RABGAP1L: variants seen among roughly 807,000 people sequenced by gnomAD.
RABGAP1L encodes RAB GTPase activating protein 1 like.
A neutral mutation model predicts 137.7 loss-of-function variants in RABGAP1L; 63 were observed. That is an observed-to-expected ratio of 0.46 (90% CI 0.37 to 0.56). RABGAP1L has a LOEUF of 0.56. Ranked by LOEUF, RABGAP1L falls within the 20% of genes least tolerant of loss-of-function variation. The pLI is 0.00. For synonymous variants in RABGAP1L, 431 were observed against 433.7 expected, an observed-to-expected ratio of 0.99 and a Z score of 0.08; for missense variants, 1,095 against 1,244.0, an observed-to-expected ratio of 0.88 and a Z score of 1.80.
intron 7 of RABGAP1L, among the ~76,000 whole-genome samples, chr1:174,253,401 T>C (rs776339562): frequency 3.3e-5 from 5 of 152,192 alleles, no homozygotes; most frequent in Non-Finnish European, 5.9e-5. Flanking sequence ...AGGCAACATA[T>C]ATAAAGATTT....
chr1:174,742,353 C>G (rs1011022259), intron 17 of RABGAP1L, among the ~76,000 whole-genome samples: 3 of 151,842 alleles, frequency 2.0e-5, no homozygotes, highest in African/African-American at 7.3e-5. Context: ...CCCATCTCTA[C>G]TAAAAATACA....
intron 18 of RABGAP1L, among the ~76,000 whole-genome samples, chr1:174,762,453 G>A (rs115101328): frequency 0.021 from 3,249 of 152,214 alleles, 54 homozygotes; most frequent in Middle Eastern, 0.085. Flanking sequence ...GCTTTACTAC[G>A]TTAGGAACTT....
intron 1 of RABGAP1L, among the ~76,000 whole-genome samples, chr1:174,212,448 A>C (rs1314068148): frequency 1.3e-5 from 2 of 152,076 alleles, no homozygotes; most frequent in Admixed American, 6.5e-5. Context: ...TGACCAGTGC[A>C]TCAATGAAGA....
intron 4 of RABGAP1L, among the ~76,000 whole-genome samples, chr1:174,231,901 C>T (rs1670690090): frequency 6.6e-6 from 1 of 152,164 alleles, no homozygotes; most frequent in African/African-American, 2.4e-5. Flanking sequence ...ACCAGCCCCA[C>T]CTCCAACATT....
chr1:174,219,174 C>T lies in RABGAP1L; in HGVS notation c.17C>T (p.Ser6Leu). Residue 6 changes from serine (S) to leucine (L), a missense_variant, in exon 2 of 26, where the codon TCA becomes TTA. Ser to Leu is a moderately radical substitution (Grantham distance 145, BLOSUM62 -2). This residue lies in a region of RABGAP1L where 356 missense variants were observed against 326.3 expected (regional missense o/e 1.09). Transcript: ENST00000681986. MEVRASLQKVSGSSDS... is the reference protein window; with the variant it reads MEVRALLQKVSGSSDS... Reference sequence around the variant, plus strand: ...AGAACTGAAATGGAGGTCAGAGCTTCATTACAGAAGGTTAGTGGATCATCT... The same window carrying T: ...AGAACTGAAATGGAGGTCAGAGCTTTATTACAGAAGGTTAGTGGATCATCT... 6.2e-7 allele frequency: 1 copy of T among 1,601,378 alleles called. No individual in the cohort carries two copies. The highest frequency in any genetic ancestry group is 8.5e-7 in the Non-Finnish European group (1 of 1,174,732).
rs1672249694 is a variant in RABGAP1L at position 174,994,413 on chromosome 1, T to A, written c.*4412T>A. On this transcript the variant is annotated 3_prime_UTR_variant, in exon 26 of 26. Coordinates refer to ENST00000681986, the MANE Select transcript of RABGAP1L (RefSeq NM_001366446.1). ...GCTATAAAAACATTTCATTAATATA[T>A]CCCATTCTTCCTACCTCCATCTCTG... 4 of 152,326 alleles carry A rather than the reference T, an allele frequency of 2.6e-5. No individual in the cohort carries two copies. In the South Asian group the frequency reaches 8.3e-4, roughly 32 times the overall value. 9.4% of individuals were successfully genotyped at this position (152,326 alleles called of 1,614,324 possible).
At chr1:174,271,446 T>C (rs1411509918) in intron 7 of RABGAP1L, among the ~76,000 whole-genome samples, 4 of 152,154 alleles carry the variant, frequency 2.6e-5, no homozygotes, top group Non-Finnish European at 5.9e-5. Flanking sequence ...ATAGTTATAT[T>C]CTTTACCCTT....
intron 13 of RABGAP1L, among the ~76,000 whole-genome samples, chr1:174,496,745 T>C (rs1660769173): frequency 6.6e-6 from 1 of 152,180 alleles, no homozygotes; most frequent in East Asian, 1.9e-4. Context: ...TTGTACCTAG[T>C]TGCCATCCCA....
intron 13 of RABGAP1L, among the ~76,000 whole-genome samples, chr1:174,425,567 T>G (rs1052363116): frequency 6.6e-6 from 1 of 152,032 alleles, no homozygotes; most frequent in South Asian, 2.1e-4. Flanking sequence ...GAGGAACAAA[T>G]TAGACATAAC....
chr1:174,420,865 T>C (rs547169003), intron 13 of RABGAP1L, among the ~76,000 whole-genome samples: 44 of 151,996 alleles, frequency 2.9e-4, no homozygotes, highest in Admixed American at 1.1e-3. Flanking sequence ...TTAGTAGAGA[T>C]GGGGTTTCAC....
At chr1:174,469,940 C>G (rs1242891753) in intron 13 of RABGAP1L, among the ~76,000 whole-genome samples, 2 of 151,830 alleles carry the variant, frequency 1.3e-5, no homozygotes, top group Non-Finnish European at 2.9e-5. Flanking sequence ...TAGAGCTGAG[C>G]TGACTGGAGG....
intron 19 of RABGAP1L, among the ~76,000 whole-genome samples, chr1:174,950,499 C>A (rs1265832353): frequency 6.6e-6 from 1 of 152,122 alleles, no homozygotes; most frequent in Non-Finnish European, 1.5e-5. Flanking sequence ...TCTCCTGATT[C>A]CTTTTCATCT....
chr1:174,754,096 C>T (rs1293224105), intron 18 of RABGAP1L, among the ~76,000 whole-genome samples: 1 of 152,192 alleles, frequency 6.6e-6, no homozygotes, highest in Non-Finnish European at 1.5e-5. Flanking sequence ...GACAAGGCCT[C>T]TACAGAGGAC....
chr1:174,557,600 G>T (rs964291091), intron 13 of RABGAP1L, among the ~76,000 whole-genome samples: 3 of 152,134 alleles, frequency 2.0e-5, no homozygotes, highest in African/African-American at 7.2e-5. Flanking sequence ...TCATCCTGTT[G>T]TTCTCATGGC....
chr1:174,818,586 G>A (rs3118990), intron 19 of RABGAP1L, among the ~76,000 whole-genome samples: 97,770 of 152,038 alleles, frequency 0.64, 33,902 homozygotes, highest in East Asian at 0.93. Context: ...AGAGATAGCC[G>A]GTAATTGGAC....
At chr1:174,540,499 G>T (rs1018059748) in intron 13 of RABGAP1L, among the ~76,000 whole-genome samples, 9 of 152,146 alleles carry the variant, frequency 5.9e-5, no homozygotes, top group African/African-American at 2.2e-4. Context: ...TCCAGTTTCA[G>T]CTTTCTACGT....
chr1:174,430,118 C>T (rs1558226823), intron 13 of RABGAP1L, among the ~76,000 whole-genome samples: 2 of 152,154 alleles, frequency 1.3e-5, no homozygotes, highest in Admixed American at 6.5e-5. Flanking sequence ...CGTGCAGTGG[C>T]TCACCCTTGT....
chr1:174,843,624 T>TAG, intron 19 of RABGAP1L, among the ~76,000 whole-genome samples: 1 of 94,054 alleles, frequency 1.1e-5, no homozygotes, highest in Non-Finnish European at 2.1e-5. Flanking sequence ...ATCCAGTCTA[T>TAG]CATTGTTGGA....
intron 19 of RABGAP1L, chr1:174,874,414 C>T (rs1447760105): frequency 3.4e-5 from 33 of 963,336 alleles, no homozygotes; most frequent in Non-Finnish European, 4.0e-5. Flanking sequence ...CGGGGACGGA[C>T]AGCTAGCTAG....
Sources: allele counts gnomAD v4.1 joint callset (sites outside exome capture counted in the v4.1 genomes callset), GRCh38; gene constraint gnomAD v4.1.1; regional missense constraint gnomAD v4.1.1; transcripts MANE v1.5; gene names NCBI Gene and HGNC (gene_info 2026-07-23, HGNC 2026-07-21).